RNF34: variants seen among roughly 807,000 people sequenced by gnomAD.
RNF34 encodes ring finger protein 34.
In RNF34, 12 loss-of-function variants were observed where a neutral mutation model predicts 37.9. The observed-to-expected ratio is 0.32, with a 90% CI of 0.20 to 0.51. The LOEUF is 0.51. Among genes scored for constraint, RNF34 ranks in the 20% least tolerant of loss-of-function variants. The probability of loss-of-function intolerance (pLI) is 0.97; values close to 1 mark genes in which losing one functional copy is unlikely to be tolerated. For missense variants in RNF34, 362 were observed against 472.7 expected (o/e 0.77, Z 2.17); for synonymous variants, 155 against 177.2 (o/e 0.87, Z 1.00).
At chr12:121,408,435 T>G (rs1423082327) in intron 1 of RNF34, among the ~76,000 whole-genome samples, 2 of 149,870 alleles carry the variant, frequency 1.3e-5, no homozygotes, top group African/African-American at 5.0e-5. Flanking sequence ...AGAGTGAAAC[T>G]CTGTCTAAAA....
Position 121,420,322 on chromosome 12 carries a change from C to T in RNF34, c.714C>T (p.Asn238=), listed in dbSNP as rs544697639. 37 of 1,567,528 alleles carry T rather than the reference C, an allele frequency of 2.4e-5. No homozygotes were observed. Among genetic ancestry groups the T allele is most frequent in the Non-Finnish European group, 2.9e-5 (34 of 1,155,438 alleles). ...DDEDDDDEEE[N]AEDRNPGLSK... ...AGGATGATGATGATGAAGAAGAAAA[C>T]GCAGAGGATCGGGTGAGGCCACCTA... The change falls in exon 4 of 6, where the codon AAC becomes AAT. Residue 238 remains asparagine, a synonymous_variant. Transcript: ENST00000361234.
intron 3 of RNF34, 128 bp downstream of exon 3, chr12:121,418,039 C>T (rs1871741101): frequency 4.0e-6 from 4 of 991,688 alleles, no homozygotes; most frequent in Non-Finnish European, 4.5e-6. Context: ...GCTTCCACAC[C>T]CAGCTGAACT....
intron 1 of RNF34, chr12:121,402,816 T>G: frequency 6.3e-7 from 1 of 1,575,026 alleles, no homozygotes; most frequent in South Asian, 1.1e-5. Flanking sequence ...AGGTAACATT[T>G]GTATCTATAG....
rs1555282208 is a variant in RNF34, at chr12:121,416,387, A to T, written c.225+10A>T. 5.1e-6 allele frequency: 8 copies of T among 1,568,030 alleles called. No homozygotes were observed. Among genetic ancestry groups the T allele is most frequent in the Non-Finnish European group, 6.2e-6 (7 of 1,138,060 alleles). ...AGTCTTTAGAAAGAAGGTGAGTTGGATGAAATGTTACATAACAACACACAT... is the reference window on the plus strand; with the variant it reads ...AGTCTTTAGAAAGAAGGTGAGTTGGTTGAAATGTTACATAACAACACACAT... On this transcript the variant is annotated intron_variant, in intron 2 of 5. Coordinates refer to ENST00000361234, the MANE Select transcript of RNF34 (RefSeq NM_025126.4).
chr12:121,421,385 A>C (rs1354673160), intron 5 of RNF34, among the ~76,000 whole-genome samples: 10 of 147,272 alleles, frequency 6.8e-5, no homozygotes, highest in African/African-American at 7.3e-5. Context: ...AAAAAAAAAA[A>C]AAAAAAAAAA....
At chr12:121,407,436 G>A (rs1161788656) in intron 1 of RNF34, among the ~76,000 whole-genome samples, 1 of 152,190 alleles carries the variant, frequency 6.6e-6, no homozygotes, top group Non-Finnish European at 1.5e-5. Context: ...CCAGAGGTGG[G>A]GGTATGCCTA....
At chr12:121,419,698 A>G (rs530347549) in intron 3 of RNF34, among the ~76,000 whole-genome samples, 12 of 152,320 alleles carry the variant, frequency 7.9e-5, no homozygotes, top group African/African-American at 2.9e-4. Context: ...TGTGTTTTCT[A>G]AAGTGTTCTG....
intron 5 of RNF34, 62 bp downstream of exon 5, chr12:121,420,840 T>G (rs1474625932): frequency 2.4e-6 from 3 of 1,271,464 alleles, no homozygotes; most frequent in South Asian, 1.2e-5. Flanking sequence ...AAAACTGGGT[T>G]GTTTTTGTCA....
Position 121,417,709 on chromosome 12 carries a change from T to C in RNF34, c.431T>C (p.Val144Ala), listed in dbSNP as rs1555282427. Residue 144 changes from valine (V) to alanine (A), a missense_variant, in exon 3 of 6, where the codon GTG becomes GCG. Transcript: ENST00000361234. The surrounding 1 kb of genome is among the most constrained non-coding windows in gnomAD (Gnocchi z 5.0). ...ACTTGTCGTGAGAAAGAAGACTTGGTGGATCTAGTACTGTGCCATCATGGA... is the reference window on the plus strand; with the variant it reads ...ACTTGTCGTGAGAAAGAAGACTTGGCGGATCTAGTACTGTGCCATCATGGA... ...IDTCREKEDL[V>A]DLVLCHHGLG... 1 of 1,614,228 alleles carries C rather than the reference T, an allele frequency of 6.2e-7. No individual in the cohort carries two copies. Among genetic ancestry groups the C allele is most frequent in the East Asian group, 2.2e-5 (1 of 44,892 alleles).
chr12:121,414,911 A>G (rs1480656362), intron 1 of RNF34, among the ~76,000 whole-genome samples: 1 of 152,214 alleles, frequency 6.6e-6, no homozygotes, highest in African/African-American at 2.4e-5. Flanking sequence ...CATGGTCAAC[A>G]TGGTGAAACC....
chr12:121,400,933 G>T (rs568184110), intron 1 of RNF34, among the ~76,000 whole-genome samples: 20 of 152,276 alleles, frequency 1.3e-4, no homozygotes, highest in Non-Finnish European at 2.8e-4. Context: ...TTCTCAACCC[G>T]ATCACTGAGA....
At chr12:121,404,162 A>AT (rs372156640) in intron 1 of RNF34, among the ~76,000 whole-genome samples, 135 of 143,966 alleles carry the variant, frequency 9.4e-4, no homozygotes, top group East Asian at 2.7e-3. Flanking sequence ...TGCCCGGCTA[A>AT]TTTTTTTTTT....
chr12:121,411,457 A>G (rs1871051812), intron 1 of RNF34, among the ~76,000 whole-genome samples: 1 of 152,194 alleles, frequency 6.6e-6, no homozygotes, highest in Non-Finnish European at 1.5e-5. Flanking sequence ...TTTTCAGCCT[A>G]GAATTTTAAT....
intron 1 of RNF34, among the ~76,000 whole-genome samples, chr12:121,415,606 C>G (rs1871491158): frequency 6.6e-6 from 1 of 151,874 alleles, no homozygotes; most frequent in South Asian, 2.1e-4. Context: ...ACAATGAGAC[C>G]CTGTTTTTAA....
At chr12:121,407,897 TTCCCCCCA>T (rs782083072) in intron 1 of RNF34, among the ~76,000 whole-genome samples, 11 of 151,982 alleles carry the variant, frequency 7.2e-5, no homozygotes, top group Non-Finnish European at 1.3e-4. Flanking sequence ...TTGGCATATG[TTCCCCCCA>T]TCCCTTGTCC....
Position 121,416,343 on chromosome 12 carries a change from C to G in RNF34, c.191C>G (p.Ala64Gly). 6.2e-7 allele frequency: 1 copy of G among 1,613,892 alleles called. No homozygotes were observed. Among genetic ancestry groups the G allele is most frequent in the Non-Finnish European group, 8.5e-7 (1 of 1,179,816 alleles). The change falls in exon 2 of 6, where the codon GCC becomes GGC. Residue 64 changes from alanine to glycine, a missense_variant. Physicochemically the swap from Ala to Gly is moderately conservative, Grantham distance 60. Coordinates refer to ENST00000361234, the MANE Select transcript of RNF34 (RefSeq NM_025126.4). ...GAAGGGCCCAACATAGTTTGTAAAGCCTGTGGGCTTTCATTTTCAGTCTTT... is the reference window on the plus strand; with the variant it reads ...GAAGGGCCCAACATAGTTTGTAAAGGCTGTGGGCTTTCATTTTCAGTCTTT... ...ATEGPNIVCK[A>G]CGLSFSVFRK...
At chr12:121,418,784 G>C (rs1318205260) in intron 3 of RNF34, 3 of 152,154 alleles carry the variant, frequency 2.0e-5, no homozygotes, top group African/African-American at 7.2e-5. Context: ...GAAGTGGCGA[G>C]ATCTTAGTTC....
Position 121,423,522 on chromosome 12 carries a change from G to C in RNF34, c.1065G>C (p.Glu355Asp). 6.2e-7 allele frequency: 1 copy of C among 1,614,228 alleles called. No homozygotes were observed. Among genetic ancestry groups the C allele is most frequent in the Non-Finnish European group, 8.5e-7 (1 of 1,180,032 alleles). ...TCTKCGKRMS[E>D]CPICRQYVVR... ...CCAAGTGCGGCAAGCGCATGAGTGA[G>C]TGTCCCATCTGCCGGCAGTATGTGG... Residue 355 changes from glutamate (E) to aspartate (D), a missense_variant, in exon 6 of 6, where the codon GAG becomes GAC. Transcript: ENST00000361234. This position sits in a 1 kb window ranked among gnomAD's most constrained non-coding sequence, Gnocchi z 4.3.
chr12:121,403,639 T>C (rs1427040712), intron 1 of RNF34, among the ~76,000 whole-genome samples: 2 of 152,142 alleles, frequency 1.3e-5, no homozygotes, highest in East Asian at 1.9e-4. Context: ...CCTGGACATA[T>C]AGTGGGTGAG....
Sources: allele counts gnomAD v4.1 joint callset (sites outside exome capture counted in the v4.1 genomes callset), GRCh38; gene constraint gnomAD v4.1.1; non-coding constraint Gnocchi (gnomAD v3.1); transcripts MANE v1.5; gene names NCBI Gene and HGNC (gene_info 2026-07-23, HGNC 2026-07-21).